MMP26: variants seen among roughly 807,000 people sequenced by gnomAD.
MMP26 encodes matrix metalloproteinase-26.
A neutral mutation model predicts 31.0 loss-of-function variants in MMP26; 33 were observed. The observed-to-expected ratio is 1.06, with a 90% CI of 0.81 to 1.42. The LOEUF (loss-of-function observed/expected upper bound fraction) is 1.42, where lower values mean the gene tolerates loss of function less well. Ranked by LOEUF, MMP26 falls within the 40% of genes most tolerant of loss-of-function variation. MMP26 has a pLI of 0.00. For synonymous variants in MMP26, 122 were observed against 114.9 expected (o/e 1.06, Z -0.40); for missense variants, 347 against 316.1 (o/e 1.10, Z -0.74).
At chr11:4,914,969 G>T (rs982521511) in intron 2 of MMP26, 1 of 1,614,128 alleles carries the variant, frequency 6.2e-7, no homozygotes, top group Non-Finnish European at 8.5e-7. Context: ...GGAGGCGATG[G>T]ACAGCACGGT....
chr11:4,935,071 T>C (rs1851414314), intron 2 of MMP26, among the ~76,000 whole-genome samples: 1 of 151,736 alleles, frequency 6.6e-6, no homozygotes, highest in Admixed American at 6.6e-5. Context: ...TCTTTTTTGG[T>C]TCCATATGAA....
chr11:4,778,991 A>T (rs1461187558), intron 2 of MMP26, among the ~76,000 whole-genome samples: 1 of 152,058 alleles, frequency 6.6e-6, no homozygotes, highest in East Asian at 1.9e-4. Context: ...CAATTATTGT[A>T]TGTAGTGCTA....
chr11:4,821,865 G>A lies in MMP26; in HGVS notation c.-145+54524G>A, dbSNP rs766451156. The A allele has an allele frequency of 6.2e-6, 10 of 1,613,788 alleles. No homozygotes were observed. The highest frequency in any genetic ancestry group is 2.2e-5 in the East Asian group (1 of 44,886). The stretch of plus-strand genomic sequence containing the variant: ...ATGCCCGAATTGCCAAGATTGGGAT[G>A]AGCATGTTGATAAGAAATGTTGCCG... On this transcript the variant is annotated intron_variant, in intron 2 of 7. Coordinates refer to ENST00000380390, the MANE Select transcript of MMP26 (RefSeq NM_021801.5).
chr11:4,959,224 A>C (rs1846487483), intron 2 of MMP26, among the ~76,000 whole-genome samples: 1 of 132,302 alleles, frequency 7.6e-6, no homozygotes, highest in Non-Finnish European at 1.6e-5. Context: ...GGCGACAGAG[A>C]GAAACTCTGT....
chr11:4,863,975 A>G (rs10836850), intron 2 of MMP26, among the ~76,000 whole-genome samples: 71,135 of 152,090 alleles, frequency 0.47, 18,136 homozygotes, highest in Non-Finnish European at 0.57. Context: ...CACACACACT[A>G]ATTTGAATCA....
chr11:4,771,942 C>T (rs748688292), intron 2 of MMP26, among the ~76,000 whole-genome samples: 1 of 152,126 alleles, frequency 6.6e-6, no homozygotes. Context: ...AAAGTCAACA[C>T]GATAAATATA....
intron 1 of MMP26, among the ~76,000 whole-genome samples, chr11:4,715,566 G>T (rs1847919344): frequency 6.6e-6 from 1 of 152,206 alleles, no homozygotes; most frequent in Non-Finnish European, 1.5e-5. Context: ...ATATTTGGTA[G>T]TTTGGTGAAG....
At chr11:4,900,795 T>C (rs1360263948) in intron 2 of MMP26, among the ~76,000 whole-genome samples, 1 of 152,172 alleles carries the variant, frequency 6.6e-6, no homozygotes, top group Non-Finnish European at 1.5e-5. Flanking sequence ...AACAGCCTGG[T>C]CAATTAGCCA....
At chr11:4,991,282 A>G (rs1846998100) in intron 5 of MMP26, 89 bp from the exon 6 acceptor site, 1 of 1,471,554 alleles carries the variant, frequency 6.8e-7, no homozygotes, top group Non-Finnish European at 9.2e-7. Flanking sequence ...GTTGCACAGT[A>G]TCCTAAGTCT....
At chr11:4,915,616 G>C (rs1439198402) in intron 2 of MMP26, 5 of 1,613,848 alleles carry the variant, frequency 3.1e-6, no homozygotes, top group African/African-American at 2.7e-5. Flanking sequence ...TCAGCAGGAA[G>C]GTAGCAGAAA....
chr11:4,810,790 A>G (rs563500030), intron 2 of MMP26, among the ~76,000 whole-genome samples: 3 of 152,228 alleles, frequency 2.0e-5, no homozygotes, highest in East Asian at 3.8e-4. Flanking sequence ...GAAGGCCTAC[A>G]CAGAGCTTCC....
chr11:4,848,623 C>A (rs1849918733), intron 2 of MMP26: 1 of 1,609,354 alleles, frequency 6.2e-7, no homozygotes, highest in Non-Finnish European at 8.5e-7. Context: ...TCTGGGCAGG[C>A]CAAACGAGCC....
intron 2 of MMP26, among the ~76,000 whole-genome samples, chr11:4,894,462 A>C (rs1850672675): frequency 6.6e-6 from 1 of 152,226 alleles, no homozygotes; most frequent in African/African-American, 2.4e-5. Context: ...TGTACAAATT[A>C]GGACACAGTA....
intron 2 of MMP26, among the ~76,000 whole-genome samples, chr11:4,801,565 G>A (rs1278904768): frequency 6.7e-6 from 1 of 149,076 alleles, no homozygotes; most frequent in Non-Finnish European, 1.5e-5. Context: ...TATTTGAGAT[G>A]GAGTTTCACT....
intron 1 of MMP26, among the ~76,000 whole-genome samples, chr11:4,755,934 C>G (rs1006072709): frequency 3.9e-5 from 6 of 151,966 alleles, no homozygotes; most frequent in Non-Finnish European, 8.8e-5. Context: ...AGAGCATGAG[C>G]ATATATGAAG....
At chr11:4,928,018 C>T (rs1465666754) in intron 2 of MMP26, among the ~76,000 whole-genome samples, 1 of 151,342 alleles carries the variant, frequency 6.6e-6, no homozygotes, top group Admixed American at 6.6e-5. Context: ...CCTAGCCAGG[C>T]CTGAAGACCA....
Position 4,950,980 on chromosome 11 carries a change from T to C in MMP26, c.-144-37088T>C, listed in dbSNP as rs189349495. Among the ~76,000 whole-genome samples, 2 of 124,260 alleles carry C rather than the reference T, an allele frequency of 1.6e-5. 1 individual carries two copies. Among genetic ancestry groups the C allele is most frequent in the African/African-American group, 5.4e-5 (2 of 36,774 alleles). 81.5% of individuals were successfully genotyped at this position (124,260 alleles called of 152,430 possible). On this transcript the variant is annotated intron_variant, in intron 2 of 7. Transcript: ENST00000380390. ...GGTGACAAAGTTTAGCATTATCTTC[T>C]ATAGGTACATAAATACCTACCCTAT...
chr11:4,985,971 G>T (rs1467998710), intron 2 of MMP26, among the ~76,000 whole-genome samples: 1 of 152,074 alleles, frequency 6.6e-6, no homozygotes, highest in Admixed American at 6.5e-5. Context: ...ATTACCATTT[G>T]GTTTCCCATG....
chr11:4,720,585 A>C (rs1200862376), intron 1 of MMP26, among the ~76,000 whole-genome samples: 2 of 152,258 alleles, frequency 1.3e-5, no homozygotes, highest in African/African-American at 2.4e-5. Flanking sequence ...CAGGGATAAT[A>C]ACTACAGGAA....
Sources: allele counts gnomAD v4.1 joint callset (sites outside exome capture counted in the v4.1 genomes callset), GRCh38; gene constraint gnomAD v4.1.1; transcripts MANE v1.5; gene names NCBI Gene and HGNC (gene_info 2026-07-23, HGNC 2026-07-21).